The following TARS1 variants were observed in gnomAD, a reference collection of about 807,000 sequenced individuals.
TARS1 encodes threonyl-tRNA synthetase 1.
TARS1 carries 57 observed loss-of-function variants against 97.7 expected under a neutral mutation model. The ratio of observed to expected loss-of-function variants is 0.58; its 90% CI spans 0.47 to 0.73. The LOEUF (loss-of-function observed/expected upper bound fraction) is 0.73, where lower values mean the gene tolerates loss of function less well. Among genes scored for constraint, TARS1 ranks in the 30% least tolerant of loss-of-function variants. The probability of loss-of-function intolerance (pLI) is 0.00; values close to 1 mark genes in which losing one functional copy is unlikely to be tolerated. For synonymous variants in TARS1, 312 were observed against 293.7 expected (o/e 1.06, Z -0.64); for missense variants, 806 against 888.3 (o/e 0.91, Z 1.18).
intron 3 of TARS1, among the ~76,000 whole-genome samples, chr5:33,451,136 A>C (rs1326511071): frequency 6.6e-6 from 1 of 152,158 alleles, no homozygotes; most frequent in Non-Finnish European, 1.5e-5. Context: ...TAAAAGGTTG[A>C]ATTACATAAA....
intron 18 of TARS1, among the ~76,000 whole-genome samples, 187 bp downstream of exon 18, chr5:33,467,172 T>G (rs1742565905): frequency 8.1e-6 from 1 of 123,306 alleles, no homozygotes; most frequent in African/African-American, 3.7e-5. Context: ...TACTGGGTTT[T>G]TTTTTTTTTC....
intron 11 of TARS1, among the ~76,000 whole-genome samples, chr5:33,460,199 T>A (rs149978274): frequency 0.01 from 1,539 of 152,238 alleles, 37 homozygotes; most frequent in African/African-American, 0.035. Flanking sequence ...CTCAAACTCC[T>A]GGCCTCAAGC....
At chr5:33,441,302 C>T (rs1319390562) in intron 1 of TARS1, 159 bp downstream of exon 1, 2 of 732,282 alleles carry the variant, frequency 2.7e-6, no homozygotes, top group African/African-American at 1.8e-5. Context: ...TCGGAACCCC[C>T]TTTGGGAACC....
chr5:33,453,520 C>T, intron 4 of TARS1, 108 bp downstream of exon 4: 3 of 1,353,536 alleles, frequency 2.2e-6, no homozygotes, highest in Non-Finnish European at 3.0e-6. Context: ...ATTGTTGTCT[C>T]ACTGTCATAT....
chr5:33,444,934 C>T (rs1432941678), intron 1 of TARS1, among the ~76,000 whole-genome samples: 1 of 151,684 alleles, frequency 6.6e-6, no homozygotes, highest in Non-Finnish European at 1.5e-5. Flanking sequence ...TGGTGGAATT[C>T]ATGGGCACAC....
rs771714939 is a variant in TARS1 at position 33,461,928 on chromosome 5, C to G, written c.1652C>G (p.Ala551Gly). ...TAGATTGACATACAGATTAAAGATGCGATTGGGCGGTACCACCAGTGTGCA... is the reference window on the plus strand; with the variant it reads ...TAGATTGACATACAGATTAAAGATGGGATTGGGCGGTACCACCAGTGTGCA... ...GPKIDIQIKDAIGRYHQCATI... is the reference protein window; with the variant it reads ...GPKIDIQIKDGIGRYHQCATI... Residue 551 changes from alanine (A) to glycine (G), a missense_variant, in exon 15 of 19, where the codon GCG becomes GGG. Ala to Gly is a moderately conservative substitution (Grantham distance 60). This residue lies in a region of TARS1 where 446 missense variants were observed against 511.0 expected (regional missense o/e 0.87). Transcript: ENST00000265112. The G allele has an allele frequency of 6.2e-7, 1 of 1,613,878 alleles. No individual in the cohort carries two copies. The highest frequency in any genetic ancestry group is 8.5e-7 in the Non-Finnish European group (1 of 1,179,818).
chr5:33,455,767 G>A (rs564913599), intron 6 of TARS1, 63 bp downstream of exon 6: 2 of 1,189,304 alleles, frequency 1.7e-6, no homozygotes, highest in South Asian at 2.7e-5. Context: ...TAGTTGAAGT[G>A]ACACCACTGG....
Position 33,466,995 on chromosome 5 carries a change from G to A in TARS1, c.2023+10G>A, listed in dbSNP as rs757471306. 6.6e-6 allele frequency: 10 copies of A among 1,517,594 alleles called. No individual in the cohort carries two copies. The highest frequency in any genetic ancestry group is 6.1e-5 in the Admixed American group (3 of 49,086). The allele number at this position is 1,517,594 out of a possible 1,614,324, so 94.0% of individuals were successfully genotyped here. A position where few individuals can be genotyped will look rare whatever the true frequency, so the allele number is the denominator to read the frequency against. ...TATAACTTCATTTTAGGTAAGAATG[G>A]AAACTTACCAAAGAAAATTTGCCAC... On this transcript the variant is annotated intron_variant, in intron 18 of 18. Coordinates refer to ENST00000265112, the MANE Select transcript of TARS1 (RefSeq NM_152295.5).
chr5:33,465,891 A>G (rs1439733190), intron 17 of TARS1: 1 of 152,210 alleles, frequency 6.6e-6, no homozygotes, highest in Non-Finnish European at 1.5e-5. Context: ...TGCTGGTTTT[A>G]CTCATGATAC....
chr5:33,449,968 T>C lies in TARS1; in HGVS notation c.329+1237T>C, dbSNP rs571271328. On this transcript the variant is annotated intron_variant, in intron 3 of 18. Coordinates refer to ENST00000265112, the MANE Select transcript of TARS1 (RefSeq NM_152295.5). ...ACATACATAAAACAGTGAATATATA[T>C]ATGTATGGCAAGGTTTGGGGGATAG... Among the ~76,000 whole-genome samples, 8 of 152,264 alleles carry C rather than the reference T, an allele frequency of 5.3e-5. No individual in the cohort carries two copies. In the South Asian group the frequency reaches 1.7e-3, roughly 32 times the overall value.
chr5:33,466,146 G>A (rs1742519104), intron 17 of TARS1: 1 of 152,316 alleles, frequency 6.6e-6, no homozygotes, highest in South Asian at 2.1e-4. Flanking sequence ...CTATGGCAGA[G>A]ATGAGGAAGG....
At chr5:33,452,442 G>A in intron 3 of TARS1, 2 of 1,534,546 alleles carry the variant, frequency 1.3e-6, no homozygotes, top group Non-Finnish European at 1.7e-6. Context: ...TTCTTCCTGT[G>A]AGTGCTTTAT....
chr5:33,450,714 T>A (rs541788822), intron 3 of TARS1, among the ~76,000 whole-genome samples: 1 of 152,344 alleles, frequency 6.6e-6, no homozygotes, highest in African/African-American at 2.4e-5. Context: ...AGGCTTCTGT[T>A]AGTTTGGGAA....
At chr5:33,442,176 A>T (rs1209664369) in intron 1 of TARS1, among the ~76,000 whole-genome samples, 1 of 152,008 alleles carries the variant, frequency 6.6e-6, no homozygotes, top group Non-Finnish European at 1.5e-5. Context: ...TAAAAGCCAA[A>T]TTTTTTTCTT....
intron 3 of TARS1, chr5:33,452,488 G>A: frequency 7.1e-7 from 1 of 1,400,850 alleles, no homozygotes; most frequent in Non-Finnish European, 9.8e-7. Context: ...GACCTGTACT[G>A]CTTTCCCTCC....
upstream of TARS1, chr5:33,440,792 G>A: frequency 1.9e-6 from 1 of 526,962 alleles, no homozygotes; most frequent in Non-Finnish European, 3.4e-6. Context: ...CGGAGAGTAG[G>A]CATGTAGCTT....
At chr5:33,452,321 C>A in intron 3 of TARS1, 1 of 1,522,434 alleles carries the variant, frequency 6.6e-7, no homozygotes, top group Non-Finnish European at 8.8e-7. Context: ...ATCTGGCTCA[C>A]CTACTCAACT....
intron 2 of TARS1, among the ~76,000 whole-genome samples, chr5:33,447,444 G>A (rs978543020): frequency 1.3e-5 from 2 of 152,014 alleles, no homozygotes; most frequent in African/African-American, 4.8e-5. Context: ...ATAGGATTTT[G>A]CCATGTTGGC....
chr5:33,442,482 T>A (rs1474394197), intron 1 of TARS1, among the ~76,000 whole-genome samples: 1 of 152,214 alleles, frequency 6.6e-6, no homozygotes, highest in Non-Finnish European at 1.5e-5. Flanking sequence ...ATATTTATTT[T>A]GAGTACTAAA....
Sources: allele counts gnomAD v4.1 joint callset (sites outside exome capture counted in the v4.1 genomes callset), GRCh38; gene constraint gnomAD v4.1.1; regional missense constraint gnomAD v4.1.1; transcripts MANE v1.5; gene names NCBI Gene and HGNC (gene_info 2026-07-23, HGNC 2026-07-21).